Variants in COA1 observed in about 807,000 individuals in gnomAD.
COA1 encodes the protein cytochrome c oxidase assembly factor 1, also known as cytochrome c oxidase assembly factor 1 homolog.
COA1 carries 13 observed loss-of-function variants against 16.0 expected under a neutral mutation model. The observed-to-expected ratio is 0.81, with a 90% CI of 0.53 to 1.29. The LOEUF (loss-of-function observed/expected upper bound fraction) is 1.29, where lower values mean the gene tolerates loss of function less well. Ranked by LOEUF, COA1 falls within the 50% of genes most tolerant of loss-of-function variation. The pLI, the probability that COA1 is intolerant of heterozygous loss-of-function variation, is 0.00. For synonymous variants in COA1, 65 were observed against 65.7 expected (o/e 0.99, Z 0.05); for missense variants, 179 against 177.0 (o/e 1.01, Z -0.06).
intron 1 of COA1, among the ~76,000 whole-genome samples, chr7:43,728,102 G>C (rs565312687): frequency 1.5e-4 from 23 of 151,862 alleles, no homozygotes; most frequent in Middle Eastern, 3.4e-3. Context: ...AGCCTCCCAA[G>C]TAGCTGGGAC....
chr7:43,631,474 C>T (rs2085166923), intron 6 of COA1: 1 of 152,334 alleles, frequency 6.6e-6, no homozygotes, highest in Admixed American at 6.5e-5. Flanking sequence ...GATCTGCCCA[C>T]CTTGGTCTCC....
chr7:43,665,059 AAT>A (rs2092785562), intron 1 of COA1, among the ~76,000 whole-genome samples: 1 of 152,212 alleles, frequency 6.6e-6, no homozygotes, highest in Non-Finnish European at 1.5e-5. Context: ...ATAAAAAAGA[AAT>A]ATATGAAAAA....
In COA1 at chr7:43,644,817, G is replaced by GAGAGAGAC. The variant is rs2088708073; in HGVS notation, c.264+433_264+434insGTCTCTCT. 1.6e-5 allele frequency among the ~76,000 whole-genome samples: 2 copies of GAGAGAGAC among 126,614 alleles called. 1 individual carries two copies. Among genetic ancestry groups the GAGAGAGAC allele is most frequent in the Non-Finnish European group, 3.8e-5 (2 of 52,168 alleles). The allele number at this position is 126,614 out of a possible 152,430, so 83.1% of individuals were successfully genotyped here. On this transcript the variant is annotated intron_variant, in intron 4 of 5. Coordinates refer to ENST00000223336, the MANE Select transcript of COA1 (RefSeq NM_018224.4). Reference sequence around the variant, plus strand: ...AGAGAGACAGAGAGAGAGAGAGAGAGAGAGAGAGAGAGAGAGACAGGGTCT... The same window carrying GAGAGAGAC: ...AGAGAGACAGAGAGAGAGAGAGAGAGAGAGAGACAGAGAGAGAGAGAGAGACAGGGTCT...
At position 43,622,264 on chromosome 7, in the gene COA1, C is replaced by T. The variant is rs549752209; in HGVS notation, c.*134-12769G>A. ...TCTTTTGAAACTTTAACATTCACAA[C>T]CTCTGTTTCTCACTCAACCATTTCA... On this transcript the variant is annotated intron_variant and NMD_transcript_variant, in intron 6 of 6. Coordinates refer to the COA1 transcript ENST00000415076. The T allele has an allele frequency of 4.6e-5, 7 of 152,172 alleles. No homozygotes were observed. In the South Asian group the frequency reaches 1.5e-3, roughly 32 times the overall value. 9.4% of individuals were successfully genotyped at this position (152,172 alleles called of 1,614,324 possible).
At chr7:43,719,398 G>A (rs995212330) in intron 1 of COA1, among the ~76,000 whole-genome samples, 18 of 152,204 alleles carry the variant, frequency 1.2e-4, no homozygotes, top group Non-Finnish European at 2.2e-4. Flanking sequence ...GCCCCAGATG[G>A]CTGTATAGTC....
downstream of COA1, among the ~76,000 whole-genome samples, chr7:43,638,565 CCTTTTTTT>C (rs71011935): frequency 0.16 from 20,605 of 125,092 alleles, 2,010 homozygotes; most frequent in Non-Finnish European, 0.22. Context: ...CTTTTTCTTT[CCTTTTTTT>C]TTTTTTTTTT....
Position 43,720,420 on chromosome 7 carries a change from T to C in COA1, c.-39+9009A>G, listed in dbSNP as rs149654330. On this transcript the variant is annotated intron_variant, in intron 1 of 5. Coordinates refer to ENST00000223336, the MANE Select transcript of COA1 (RefSeq NM_018224.4). ...TGGACTAGAAAGGATAAAATCAACA[T>C]GGTCCCCTTCCTTTTTCTTTTTTTT... Among the ~76,000 whole-genome samples, 1,137 of 152,316 alleles carry C rather than the reference T, an allele frequency of 7.5e-3. 6 individuals carry two copies. The highest frequency in any genetic ancestry group is 0.025 in the African/African-American group (1,056 of 41,562).
intron 1 of COA1, among the ~76,000 whole-genome samples, chr7:43,696,990 GAC>G (rs1341971425): frequency 6.6e-6 from 1 of 151,972 alleles, no homozygotes; most frequent in Non-Finnish European, 1.5e-5. Context: ...TCGGCATGGT[GAC>G]ACACGCCTGT....
At chr7:43,674,816 T>G (rs547545363) in intron 1 of COA1, among the ~76,000 whole-genome samples, 180 of 152,274 alleles carry the variant, frequency 1.2e-3, no homozygotes, top group African/African-American at 4.2e-3. Context: ...CTATAACTAC[T>G]CTTATTCAAA....
intron 5 of COA1, 148 bp downstream of exon 5, chr7:43,640,425 C>T (rs559373032): frequency 1.5e-6 from 1 of 669,822 alleles, no homozygotes; most frequent in Admixed American, 2.9e-5. Flanking sequence ...GGCTTGCTGC[C>T]CAGGCCACGA....
intron 1 of COA1, among the ~76,000 whole-genome samples, chr7:43,658,509 A>G (rs1179788578): frequency 1.3e-5 from 2 of 152,212 alleles, no homozygotes; most frequent in East Asian, 3.8e-4. Context: ...AACCCAAATA[A>G]TGAATGAAAT....
chr7:43,656,389 A>C (rs1329029534), intron 1 of COA1, among the ~76,000 whole-genome samples: 1 of 152,258 alleles, frequency 6.6e-6, no homozygotes, highest in East Asian at 1.9e-4. Flanking sequence ...AGAAATATTC[A>C]AAGAGTTGAA....
At chr7:43,703,132 A>C (rs1410686077) in intron 1 of COA1, among the ~76,000 whole-genome samples, 5 of 151,990 alleles carry the variant, frequency 3.3e-5, no homozygotes, top group Non-Finnish European at 7.4e-5. Context: ...TTTAATTTCC[A>C]TGTAATTGTA....
rs187323028 is a variant in COA1 at position 43,718,011 on chromosome 7, C to G, written c.-39+11418G>C. 2.2e-4 allele frequency among the ~76,000 whole-genome samples: 33 copies of G among 152,266 alleles called. 1 individual carries two copies. The highest frequency in any genetic ancestry group is 2.0e-3 in the Admixed American group (30 of 15,288). ...CATGAGACAGTAAGTCCAGTTAAAC[C>G]TCTTTCTTTTGTAAATTGCCCAGTC... On this transcript the variant is annotated intron_variant, in intron 1 of 5. Transcript: ENST00000223336.
Position 43,640,586 on chromosome 7 carries a change from C to A in COA1, c.328G>T (p.Gly110Cys). ...TTCCCAGGATACCTCTGAAAGGGGC[C>A]ACCTCTGGATGAGTGGACGTAGAGA... ...GLLYVHSSRGGPFQRWHLDEV... is the reference protein window; with the variant it reads ...GLLYVHSSRGCPFQRWHLDEV... The change falls in exon 5 of 6, where the codon GGC becomes TGC. Residue 110 changes from glycine (G) to cysteine (C), a missense_variant. By Grantham distance (159) the Gly-to-Cys change is radical. Transcript: ENST00000223336. The A allele has an allele frequency of 6.2e-7, 1 of 1,607,126 alleles. No homozygotes were observed. Among genetic ancestry groups the A allele is most frequent in the Non-Finnish European group, 8.5e-7 (1 of 1,176,998 alleles).
chr7:43,652,859 T>C (rs2091068280), intron 1 of COA1, among the ~76,000 whole-genome samples: 1 of 149,854 alleles, frequency 6.7e-6, no homozygotes. Flanking sequence ...AATCGAACCG[T>C]TGTCAAGGGT....
At chr7:43,683,241 T>C (rs1198899990) in intron 1 of COA1, among the ~76,000 whole-genome samples, 1 of 152,186 alleles carries the variant, frequency 6.6e-6, no homozygotes, top group Non-Finnish European at 1.5e-5. Flanking sequence ...AAAAGTCATA[T>C]AGTTGTGTTT....
intron 1 of COA1, among the ~76,000 whole-genome samples, chr7:43,686,305 CTT>C (rs770784003): frequency 6.3e-5 from 8 of 126,062 alleles, no homozygotes; most frequent in South Asian, 2.5e-4. Flanking sequence ...GGCTTTGTTT[CTT>C]TTTTTTTTTT....
At chr7:43,684,323 C>T (rs78140273) in intron 1 of COA1, among the ~76,000 whole-genome samples, 10 of 152,254 alleles carry the variant, frequency 6.6e-5, no homozygotes, top group South Asian at 2.1e-4. Context: ...TGCTGTGCGG[C>T]CGGGAGTGGG....
Sources: allele counts gnomAD v4.1 joint callset (sites outside exome capture counted in the v4.1 genomes callset), GRCh38; gene constraint gnomAD v4.1.1; transcripts MANE v1.5; gene names NCBI Gene and HGNC (gene_info 2026-07-23, HGNC 2026-07-21).